The following ARL15 variants were observed in gnomAD, a reference collection of about 807,000 sequenced individuals.
ARL15 encodes the protein ARF like GTPase 15, also known as ADP-ribosylation factor-like protein 15.
A neutral mutation model predicts 25.2 loss-of-function variants in ARL15; 19 were observed. That is an observed-to-expected ratio of 0.75 (90% confidence interval 0.53 to 1.10). ARL15 has a LOEUF of 1.10. Among genes scored for constraint, ARL15 ranks in the 50% least tolerant of loss-of-function variants. The pLI is 0.00. For missense variants in ARL15, 220 were observed against 246.0 expected, an observed-to-expected ratio of 0.89 and a Z score of 0.71; for synonymous variants, 94 against 86.8, an observed-to-expected ratio of 1.08 and a Z score of -0.46.
intron 3 of ARL15, among the ~76,000 whole-genome samples, chr5:54,128,291 C>T (rs1753322168): frequency 6.6e-6 from 1 of 152,198 alleles, no homozygotes; most frequent in Non-Finnish European, 1.5e-5. Context: ...AAAAGCTAGA[C>T]ACACAACAAA....
At chr5:54,150,680 C>T (rs1274960946) in intron 3 of ARL15, among the ~76,000 whole-genome samples, 1 of 151,972 alleles carries the variant, frequency 6.6e-6, no homozygotes, top group East Asian at 1.9e-4. Context: ...TGCCTGTAAA[C>T]CCAGCTACTC....
chr5:53,934,699 C>T lies in ARL15; in HGVS notation c.463-47986G>A, dbSNP rs537107763. 1.4e-4 allele frequency among the ~76,000 whole-genome samples: 22 copies of T among 152,272 alleles called. No homozygotes were observed. In the South Asian group the frequency reaches 2.1e-3, roughly 14 times the overall value. On this transcript the variant is annotated intron_variant, in intron 4 of 4. Coordinates refer to ENST00000504924, the MANE Select transcript of ARL15 (RefSeq NM_019087.3). ...CATTCTCTCTAAAGTTTTTGGACTC[C>T]TGCCCAAATCACAGTCATATTTTCA... is the stretch of plus-strand genomic sequence containing the variant.
At chr5:54,125,395 T>C (rs777130000) in intron 3 of ARL15, among the ~76,000 whole-genome samples, 14 of 152,162 alleles carry the variant, frequency 9.2e-5, no homozygotes, top group Non-Finnish European at 1.9e-4. Context: ...GGCAAGGAAT[T>C]GAGTGTATTC....
chr5:54,249,629 A>G (rs904489386), intron 1 of ARL15, among the ~76,000 whole-genome samples: 2 of 149,998 alleles, frequency 1.3e-5, no homozygotes, highest in African/African-American at 4.9e-5. Flanking sequence ...TCATGAGGTC[A>G]TATCTGAGAG....
At chr5:54,155,865 T>G (rs1281101854) in intron 2 of ARL15, among the ~76,000 whole-genome samples, 1 of 152,204 alleles carries the variant, frequency 6.6e-6, no homozygotes, top group Non-Finnish European at 1.5e-5. Context: ...ATATTTCTTT[T>G]TTGAATTAAA....
At chr5:54,273,603 C>T (rs13155203) in intron 1 of ARL15, among the ~76,000 whole-genome samples, 57,944 of 152,056 alleles carry the variant, frequency 0.38, 14,158 homozygotes, top group Non-Finnish European at 0.53. Context: ...TCAAATTCTG[C>T]CTCAAAATCC....
In ARL15 at chr5:53,886,604, A is replaced by G; in HGVS notation, c.572T>C (p.Ile191Thr). Reference sequence around the variant, plus strand: ...ATGGTCTTTTTCTTCTAACAAATTAATCAGCTGAGAGAAGCTGTCTTTCAG... The same window carrying G: ...ATGGTCTTTTTCTTCTAACAAATTAGTCAGCTGAGAGAAGCTGTCTTTCAG... ...DALKDSFSQLINLLEEKDHEA... is the reference protein window; with the variant it reads ...DALKDSFSQLTNLLEEKDHEA... The change falls in exon 5 of 5, where the codon ATT becomes ACT. Residue 191 changes from isoleucine to threonine, a missense_variant. By Grantham distance (89) the Ile-to-Thr change is moderately conservative. Coordinates refer to ENST00000504924, the MANE Select transcript of ARL15 (RefSeq NM_019087.3). 2 of 1,562,852 alleles carry G rather than the reference A, an allele frequency of 1.3e-6. No homozygotes were observed. Among genetic ancestry groups the G allele is most frequent in the South Asian group, 2.4e-5 (2 of 84,730 alleles).
intron 1 of ARL15, among the ~76,000 whole-genome samples, chr5:54,280,256 C>T (rs1413293302): frequency 6.6e-6 from 1 of 152,320 alleles, no homozygotes; most frequent in East Asian, 1.9e-4. Context: ...CCCCAACTTG[C>T]ATTCAAATCC....
intron 4 of ARL15, among the ~76,000 whole-genome samples, chr5:54,035,477 T>C (rs955439953): frequency 6.6e-6 from 1 of 152,244 alleles, no homozygotes; most frequent in Non-Finnish European, 1.5e-5. Flanking sequence ...GTATTTATGA[T>C]ATATTAATAC....
chr5:54,203,922 G>A (rs1370857736), intron 1 of ARL15, among the ~76,000 whole-genome samples: 1 of 152,122 alleles, frequency 6.6e-6, no homozygotes, highest in Non-Finnish European at 1.5e-5. Flanking sequence ...TTAAGGTCAT[G>A]AAATGAACTC....
intron 1 of ARL15, among the ~76,000 whole-genome samples, chr5:54,228,156 C>T (rs1318690258): frequency 6.6e-6 from 1 of 152,152 alleles, no homozygotes; most frequent in Non-Finnish European, 1.5e-5. Context: ...ATTACAATTT[C>T]AGTCTCTGCC....
rs538903044 is a variant in ARL15, at chr5:54,196,682, G to C, written c.49-24754C>G. ...ACACAAACTTTTGGTTGTTATTTGA[G>C]ATTTTGGCATTTACACATTCAGTGC... On this transcript the variant is annotated intron_variant, in intron 1 of 4. Coordinates refer to ENST00000504924, the MANE Select transcript of ARL15 (RefSeq NM_019087.3). Among the ~76,000 whole-genome samples, 5 of 152,052 alleles carry C rather than the reference G, an allele frequency of 3.3e-5. No individual in the cohort carries two copies. In the South Asian group the frequency reaches 8.3e-4, roughly 25 times the overall value.
intron 3 of ARL15, among the ~76,000 whole-genome samples, chr5:54,144,694 T>C (rs867819845): frequency 6.6e-6 from 1 of 152,188 alleles, no homozygotes; most frequent in Non-Finnish European, 1.5e-5. Flanking sequence ...TGTTTACCAT[T>C]GTCTGTTTCC....
chr5:53,960,804 T>C (rs1021295952), intron 4 of ARL15, among the ~76,000 whole-genome samples: 1 of 152,188 alleles, frequency 6.6e-6, no homozygotes, highest in Non-Finnish European at 1.5e-5. Context: ...CTCAGAGTAT[T>C]CCACTTTCAA....
intron 1 of ARL15, among the ~76,000 whole-genome samples, chr5:54,228,734 T>C (rs1756591760): frequency 6.6e-6 from 1 of 152,208 alleles, no homozygotes; most frequent in Non-Finnish European, 1.5e-5. Flanking sequence ...ATATTCCCTT[T>C]AATGAATTTC....
intron 1 of ARL15, among the ~76,000 whole-genome samples, chr5:54,218,463 A>G (rs188492058): frequency 2.4e-4 from 36 of 152,260 alleles, no homozygotes; most frequent in Admixed American, 2.1e-3. Flanking sequence ...CTAATGACAA[A>G]AGCAGATCAC....
chr5:54,006,057 A>AAAAAAAAAAAAAAAAAAAAAAAT (rs1749029569), intron 4 of ARL15, among the ~76,000 whole-genome samples: 1 of 150,606 alleles, frequency 6.6e-6, no homozygotes, highest in Non-Finnish European at 1.5e-5. Context: ...TCTCCAAAAA[A>AAAAAAAAAAAAAAAAAAAAAAAT]AAAAAAAAAA....
At chr5:54,021,706 C>T (rs1232675929) in intron 4 of ARL15, among the ~76,000 whole-genome samples, 1 of 152,114 alleles carries the variant, frequency 6.6e-6, no homozygotes, top group Non-Finnish European at 1.5e-5. Context: ...TGGCTGAAAA[C>T]TTCTTCTAAG....
At chr5:54,252,553 T>C (rs896056547) in intron 1 of ARL15, among the ~76,000 whole-genome samples, 1 of 151,728 alleles carries the variant, frequency 6.6e-6, no homozygotes, top group African/African-American at 2.4e-5. Context: ...CCGACAGGGT[T>C]CATGTCACAG....
Sources: gnomAD v4.1 joint callset for allele counts (sites outside exome capture counted in the v4.1 genomes callset) on GRCh38, gnomAD v4.1.1 for gene constraint, MANE v1.5 for transcripts, NCBI Gene and HGNC (gene_info 2026-07-23, HGNC 2026-07-21) for gene names.